RNGTT: variants seen among roughly 807,000 people sequenced by gnomAD.
RNGTT encodes RNA guanylyltransferase and 5'-phosphatase, also known as mRNA-capping enzyme.
In RNGTT, 33 loss-of-function variants were observed where a neutral mutation model predicts 79.3. The ratio of observed to expected loss-of-function variants is 0.42; its 90% CI spans 0.32 to 0.56. RNGTT has a LOEUF of 0.56. RNGTT is among the 20% of genes least tolerant of loss of function. RNGTT has a pLI of 0.17. For synonymous variants in RNGTT, 222 were observed against 235.9 expected, an observed-to-expected ratio of 0.94 and a Z score of 0.54; for missense variants, 497 against 739.1, an observed-to-expected ratio of 0.67 and a Z score of 3.80.
intron 12 of RNGTT, among the ~76,000 whole-genome samples, chr6:88,782,816 G>A (rs77778530): frequency 0.02 from 3,105 of 152,112 alleles, 116 homozygotes; most frequent in African/African-American, 0.069. Context: ...TAATCAGCAG[G>A]GAAATGCAAA....
intron 12 of RNGTT, among the ~76,000 whole-genome samples, chr6:88,796,904 A>C (rs1779620014): frequency 6.6e-6 from 1 of 152,046 alleles, no homozygotes; most frequent in African/African-American, 2.4e-5. Context: ...GTAAACTAAG[A>C]GTAGATCTAA....
intron 6 of RNGTT, among the ~76,000 whole-genome samples, chr6:88,892,844 G>T: frequency 6.6e-6 from 1 of 152,058 alleles, no homozygotes; most frequent in Middle Eastern, 3.2e-3. Context: ...AAGAAAAAAA[G>T]AACAATTAAT....
At chr6:88,753,053 T>C (rs186771902) in intron 13 of RNGTT, among the ~76,000 whole-genome samples, 362 of 152,212 alleles carry the variant, frequency 2.4e-3, no homozygotes, top group Middle Eastern at 6.8e-3. Flanking sequence ...AATTAACTTT[T>C]AAAAAAACAA....
At chr6:88,749,847 T>C (rs1777783962) in intron 13 of RNGTT, among the ~76,000 whole-genome samples, 1 of 152,204 alleles carries the variant, frequency 6.6e-6, no homozygotes, top group Non-Finnish European at 1.5e-5. Flanking sequence ...AATCAAGATG[T>C]AGACAGGACC....
intron 13 of RNGTT, among the ~76,000 whole-genome samples, chr6:88,728,076 C>G (rs1048830194): frequency 6.6e-6 from 1 of 152,182 alleles, no homozygotes; most frequent in African/African-American, 2.4e-5. Context: ...ACCGTCCCCT[C>G]CAGGGTCATG....
chr6:88,780,599 T>C (rs965237218), intron 12 of RNGTT, among the ~76,000 whole-genome samples: 6 of 151,818 alleles, frequency 4.0e-5, no homozygotes, highest in African/African-American at 9.7e-5. Context: ...ACTTAGTTTA[T>C]AGAAATAAAT....
intron 13 of RNGTT, among the ~76,000 whole-genome samples, chr6:88,705,591 T>C (rs1337486940): frequency 6.6e-6 from 1 of 152,108 alleles, no homozygotes; most frequent in Admixed American, 6.5e-5. Flanking sequence ...CTTCCTAAAA[T>C]TCTTCCTTAA....
At position 88,879,615 on chromosome 6, in the gene RNGTT, G is replaced by A. The variant is rs548804595; in HGVS notation, c.896+10880C>T. Among the ~76,000 whole-genome samples the A allele has an allele frequency of 4.5e-4, 69 of 152,210 alleles. 2 individuals carry two copies. The highest frequency in any genetic ancestry group is 2.5e-4 in the Non-Finnish European group (17 of 67,996). On this transcript the variant is annotated intron_variant, in intron 8 of 15. Coordinates refer to ENST00000369485, the MANE Select transcript of RNGTT (RefSeq NM_003800.5). The stretch of plus-strand genomic sequence containing the variant: ...GAAAAAAAAAATTTGTCTTTCAAAT[G>A]TATACATTTAGTAAATTACATAAAA...
chr6:88,669,143 G>A (rs887782014), intron 14 of RNGTT, among the ~76,000 whole-genome samples: 13 of 152,084 alleles, frequency 8.5e-5, no homozygotes, highest in Admixed American at 5.2e-4. Flanking sequence ...CTTGACCCCC[G>A]AGTCAACCTT....
At chr6:88,961,410 A>T (rs1390450057) in intron 1 of RNGTT, among the ~76,000 whole-genome samples, 1 of 151,184 alleles carries the variant, frequency 6.6e-6, no homozygotes, top group East Asian at 1.9e-4. Flanking sequence ...GAGAACCCTT[A>T]CTAATAAATT....
chr6:88,929,300 A>G, intron 2 of RNGTT, 33 bp from the exon 3 acceptor site: 1 of 1,334,496 alleles, frequency 7.5e-7, no homozygotes, highest in Non-Finnish European at 1.1e-6. Context: ...GGGCAAATTT[A>G]CTAGTAACTT....
chr6:88,631,745 C>T (rs1772896900), intron 14 of RNGTT, among the ~76,000 whole-genome samples: 1 of 152,034 alleles, frequency 6.6e-6, no homozygotes, highest in Non-Finnish European at 1.5e-5. Flanking sequence ...GGACCATATA[C>T]TTTTGGATGG....
chr6:88,718,134 T>C (rs1219758361), intron 13 of RNGTT, among the ~76,000 whole-genome samples: 1 of 152,204 alleles, frequency 6.6e-6, no homozygotes, highest in Non-Finnish European at 1.5e-5. Context: ...GACTCATGCC[T>C]GTAATCTTAG....
chr6:88,784,055 G>C (rs537910756), intron 12 of RNGTT, among the ~76,000 whole-genome samples: 3 of 152,234 alleles, frequency 2.0e-5, no homozygotes, highest in Non-Finnish European at 4.4e-5. Context: ...GAAGTTCAGA[G>C]TGCTATAATA....
chr6:88,656,489 T>C (rs1474812569), intron 14 of RNGTT, among the ~76,000 whole-genome samples: 1 of 152,208 alleles, frequency 6.6e-6, no homozygotes, highest in Non-Finnish European at 1.5e-5. Flanking sequence ...TTTATGAATC[T>C]AGTATCTCTT....
At chr6:88,699,769 T>C (rs993056450) in intron 13 of RNGTT, among the ~76,000 whole-genome samples, 1 of 152,214 alleles carries the variant, frequency 6.6e-6, no homozygotes, top group Non-Finnish European at 1.5e-5. Flanking sequence ...TGTTATAATA[T>C]GGATAAAACT....
At chr6:88,698,293 T>G (rs1208246316) in intron 13 of RNGTT, among the ~76,000 whole-genome samples, 1 of 124,816 alleles carries the variant, frequency 8.0e-6, no homozygotes, top group African/African-American at 3.6e-5. Context: ...ATATATATCA[T>G]ATATATATGA....
intron 14 of RNGTT, among the ~76,000 whole-genome samples, chr6:88,667,265 G>A (rs943752306): frequency 6.6e-6 from 1 of 152,230 alleles, no homozygotes; most frequent in Non-Finnish European, 1.5e-5. Context: ...CTGGTTACCA[G>A]ACAGAAGAGT....
chr6:88,852,262 T>G (rs896776587), intron 9 of RNGTT, among the ~76,000 whole-genome samples: 6 of 152,120 alleles, frequency 3.9e-5, no homozygotes, highest in African/African-American at 1.4e-4. Context: ...ACCCGTACTC[T>G]TGGTATAGCA....
Sources: allele counts gnomAD v4.1 joint callset (sites outside exome capture counted in the v4.1 genomes callset), GRCh38; gene constraint gnomAD v4.1.1; transcripts MANE v1.5; gene names NCBI Gene and HGNC (gene_info 2026-07-23, HGNC 2026-07-21).